Variants in PSEN1 observed in about 807,000 individuals in gnomAD.
PSEN1 encodes the protein presenilin 1, also known as presenilin-1.
Under a neutral mutation model 53.5 loss-of-function variants are expected in PSEN1, and 15 were observed. The observed-to-expected ratio is 0.28, with a 90% CI of 0.19 to 0.43. The LOEUF is 0.43. Ranked by LOEUF, PSEN1 falls within the 20% of genes least tolerant of loss-of-function variation. The probability of loss-of-function intolerance (pLI) is 1.00; values close to 1 mark genes in which losing one functional copy is unlikely to be tolerated. For synonymous variants in PSEN1, 208 were observed against 209.8 expected (o/e 0.99, Z 0.08); for missense variants, 387 against 571.2 (o/e 0.68, Z 3.29).
At chr14:73,209,002 G>T (rs1364956587) in intron 9 of PSEN1, 1 of 401,380 alleles carries the variant, frequency 2.5e-6, no homozygotes, top group Admixed American at 2.7e-5. Context: ...CAGGGGGCTG[G>T]CATGTCAGTG....
At chr14:73,179,800 C>A (rs187980167) in intron 5 of PSEN1, among the ~76,000 whole-genome samples, 9 of 148,770 alleles carry the variant, frequency 6.0e-5, no homozygotes, top group Admixed American at 2.0e-4. Flanking sequence ...ACTTCTAATT[C>A]CCCAGCCCAC....
intron 1 of PSEN1, among the ~76,000 whole-genome samples, chr14:73,140,512 G>T (rs1896895196): frequency 1.3e-5 from 2 of 151,914 alleles, no homozygotes; most frequent in Non-Finnish European, 1.5e-5. Flanking sequence ...CCTGGCCAAG[G>T]TTTTTTATAA....
intron 3 of PSEN1, chr14:73,169,045 T>C (rs1017146364): frequency 6.6e-6 from 1 of 152,240 alleles, no homozygotes; most frequent in Admixed American, 6.5e-5. Flanking sequence ...CTCCGAGCCA[T>C]GAGGGGGTCA....
chr14:73,161,805 C>A (rs1401491227), intron 3 of PSEN1, among the ~76,000 whole-genome samples: 1 of 152,060 alleles, frequency 6.6e-6, no homozygotes, highest in Non-Finnish European at 1.5e-5. Context: ...CACCGTAGAT[C>A]ACATTATTAG....
At chr14:73,173,392 G>A (rs1161051573) in intron 4 of PSEN1, among the ~76,000 whole-genome samples, 174 bp from the exon 5 acceptor site, 2 of 152,194 alleles carry the variant, frequency 1.3e-5, no homozygotes, top group Non-Finnish European at 2.9e-5. Context: ...CAATTTTAGA[G>A]TGTAGCTGTT....
rs750981436 is a variant in PSEN1 at position 73,211,848 on chromosome 14, C to T, written c.1035C>T (p.Asp345=). Residue 345 remains aspartate, a synonymous_variant, in exon 10 of 12, where the codon GAC becomes GAT. Transcript: ENST00000324501. The part of the protein sequence containing the change: ...GFSEEWEAQR[D]SHLGPHRSTP... ...GTGAGGAATGGGAAGCCCAGAGGGACAGTCATCTAGGGCCTCATCGCTCTA... is the reference window on the plus strand; with the variant it reads ...GTGAGGAATGGGAAGCCCAGAGGGATAGTCATCTAGGGCCTCATCGCTCTA... 3 of 1,613,354 alleles carry T rather than the reference C, an allele frequency of 1.9e-6. No homozygotes were observed. Among genetic ancestry groups the T allele is most frequent in the East Asian group, 2.2e-5 (1 of 44,822 alleles).
chr14:73,203,704 C>T (rs1482119808), intron 8 of PSEN1, among the ~76,000 whole-genome samples: 2 of 152,170 alleles, frequency 1.3e-5, no homozygotes, highest in Non-Finnish European at 2.9e-5. Context: ...TATACACCTA[C>T]TCTTTGAGCT....
rs187155003 is a variant in PSEN1, at chr14:73,216,302, G to T, written c.1130-824G>T. On this transcript the variant is annotated intron_variant, in intron 10 of 11. Coordinates refer to ENST00000324501, the MANE Select transcript of PSEN1 (RefSeq NM_000021.4). ...AGGAGTGGGGATTAACTGTAAACGG[G>T]TACAAGGTACCTGACTGGGGCAATG... 5.0e-4 allele frequency among the ~76,000 whole-genome samples: 76 copies of T among 152,274 alleles called. No homozygotes were observed. In the East Asian group the frequency reaches 0.013, roughly 26 times the overall value.
At position 73,214,533 on chromosome 14, in the gene PSEN1, A is replaced by G. The variant is rs1899833582; in HGVS notation, c.1129+2591A>G. 2.4e-5 allele frequency among the ~76,000 whole-genome samples: 3 copies of G among 123,968 alleles called. No individual in the cohort carries two copies. The South Asian group carries it at 6.4e-4, about 27-fold the overall frequency. The allele number at this position is 123,968 out of a possible 152,430, so 81.3% of individuals were successfully genotyped here. ...CAACAAGAGCGAAACTCCATCTCAA[A>G]AAAAAAAAAAAAAAGACCAACTACC... On this transcript the variant is annotated intron_variant, in intron 10 of 11. Transcript: ENST00000324501.
intron 3 of PSEN1, among the ~76,000 whole-genome samples, chr14:73,164,474 C>T (rs952698665): frequency 6.6e-6 from 1 of 152,170 alleles, no homozygotes; most frequent in African/African-American, 2.4e-5. Flanking sequence ...CTACTGAATG[C>T]TTAATATGTG....
At chr14:73,183,735 CTT>C (rs1466525863) in intron 5 of PSEN1, among the ~76,000 whole-genome samples, 1 of 151,506 alleles carries the variant, frequency 6.6e-6, no homozygotes, top group Non-Finnish European at 1.5e-5. Flanking sequence ...ATTTCTCAAT[CTT>C]TTCCCCACCT....
At chr14:73,210,673 T>G (rs1479635467) in intron 9 of PSEN1, among the ~76,000 whole-genome samples, 1 of 152,142 alleles carries the variant, frequency 6.6e-6, no homozygotes, top group African/African-American at 2.4e-5. Context: ...CAGAGAAGAT[T>G]CAGGTTTTTG....
In PSEN1 at chr14:73,211,795, G is replaced by A; in HGVS notation, c.982G>A (p.Val328Ile). 6.2e-7 allele frequency: 1 copy of A among 1,614,108 alleles called. No individual in the cohort carries two copies. The highest frequency in any genetic ancestry group is 8.5e-7 in the Non-Finnish European group (1 of 1,179,982). The change falls in exon 10 of 12, where the codon GTT becomes ATT. Residue 328 changes from valine (V) to isoleucine (I), a missense_variant. Physicochemically the swap from Val to Ile is conservative, Grantham distance 29. Coordinates refer to ENST00000324501, the MANE Select transcript of PSEN1 (RefSeq NM_000021.4). ...CACAGAAAGGGAGTCACAAGACACT[G>A]TTGCAGAGAATGATGATGGCGGGTT... Reference protein sequence around the residue: ...ESTERESQDTVAENDDGGFSE... With the variant: ...ESTERESQDTIAENDDGGFSE...
chr14:73,184,811 G>A (rs1898420960), intron 5 of PSEN1, among the ~76,000 whole-genome samples: 1 of 151,524 alleles, frequency 6.6e-6, no homozygotes, highest in South Asian at 2.1e-4. Flanking sequence ...TTCCCAGACG[G>A]GGCGGCTGCC....
intron 9 of PSEN1, among the ~76,000 whole-genome samples, chr14:73,210,809 C>A (rs1018917423): frequency 7.7e-4 from 118 of 152,284 alleles, no homozygotes; most frequent in African/African-American, 2.6e-3. Flanking sequence ...AAATCTACTT[C>A]TGCTCTGAAC....
chr14:73,184,538 T>C (rs1378566639), intron 5 of PSEN1, among the ~76,000 whole-genome samples: 71 of 85,686 alleles, frequency 8.3e-4, no homozygotes, highest in Admixed American at 1.2e-3. Context: ...CACCTCCCTC[T>C]CGGACAGGGC....
chr14:73,180,942 C>T (rs1227978025), intron 5 of PSEN1, among the ~76,000 whole-genome samples: 1 of 152,156 alleles, frequency 6.6e-6, no homozygotes, highest in Non-Finnish European at 1.5e-5. Context: ...AAAGTTTGTA[C>T]ACTTTGATTT....
chr14:73,184,092 C>T (rs1422444051), intron 5 of PSEN1, among the ~76,000 whole-genome samples: 13 of 127,740 alleles, frequency 1.0e-4, no homozygotes, highest in East Asian at 4.7e-4. Flanking sequence ...GGCGGCTGGC[C>T]GGGCGGGGGG....
chr14:73,155,379 A>G (rs1377303966), intron 3 of PSEN1, among the ~76,000 whole-genome samples: 1 of 152,246 alleles, frequency 6.6e-6, no homozygotes, highest in East Asian at 1.9e-4. Flanking sequence ...AATGAGATAA[A>G]CTGAATGATT....
Sources: gnomAD v4.1 joint callset for allele counts (sites outside exome capture counted in the v4.1 genomes callset) on GRCh38, gnomAD v4.1.1 for gene constraint, MANE v1.5 for transcripts, NCBI Gene and HGNC (gene_info 2026-07-23, HGNC 2026-07-21) for gene names.